SSBP4: variants seen among roughly 807,000 people sequenced by gnomAD.
SSBP4 encodes single stranded DNA binding protein 4, also known as single-stranded DNA-binding protein 4.
A neutral mutation model predicts 64.6 loss-of-function variants in SSBP4; 33 were observed. The ratio of observed to expected loss-of-function variants is 0.51; its 90% CI spans 0.39 to 0.68. SSBP4 has a LOEUF of 0.68. Ranked by LOEUF, SSBP4 falls within the 30% of genes least tolerant of loss-of-function variation. The pLI is 0.00. For synonymous variants in SSBP4, 243 were observed against 224.0 expected (o/e 1.08, Z -0.76); for missense variants, 583 against 566.8 (o/e 1.03, Z -0.29).
chr19:18,415,966 C>T (rs976418577), upstream of SSBP4, among the ~76,000 whole-genome samples: 2 of 152,086 alleles, frequency 1.3e-5, no homozygotes, highest in African/African-American at 2.4e-5. Flanking sequence ...GCAACCTCCC[C>T]GCCCCCTCTG....
upstream of SSBP4, among the ~76,000 whole-genome samples, chr19:18,414,643 A>T (rs1209480416): frequency 6.6e-6 from 1 of 152,224 alleles, no homozygotes; most frequent in East Asian, 1.9e-4. Flanking sequence ...GGTGAAAGCC[A>T]CACAAGGTGC....
the SSBP4 span, among the ~76,000 whole-genome samples, chr19:18,409,226 A>T: frequency 7.6e-5 from 11 of 143,866 alleles, no homozygotes; most frequent in East Asian, 2.2e-3. Flanking sequence ...TCGCTCTGTC[A>T]TCCAGGCTGG....
chr19:18,428,973 G>GC (rs879618909), intron 4 of SSBP4, among the ~76,000 whole-genome samples: 2 of 152,186 alleles, frequency 1.3e-5, no homozygotes, highest in African/African-American at 2.4e-5. Flanking sequence ...CTCTCTGGGC[G>GC]CCCCCCGCCG....
At chr19:18,416,297 G>T (rs951102211), upstream of SSBP4, among the ~76,000 whole-genome samples, 2 of 152,134 alleles carry the variant, frequency 1.3e-5, no homozygotes, top group African/African-American at 2.4e-5. Context: ...TTACAGGCAT[G>T]AGCCACCGCG....
chr19:18,419,375 G>C (rs1568341133), upstream of SSBP4: 22 of 1,027,612 alleles, frequency 2.1e-5, no homozygotes, highest in Non-Finnish European at 2.3e-5. Context: ...GGGGGCGCGC[G>C]CGGCGGGAGG....
intron 9 of SSBP4, 30 bp from the exon 10 acceptor site, chr19:18,432,117 C>G (rs1973441561): frequency 1.2e-6 from 2 of 1,609,744 alleles, no homozygotes; most frequent in East Asian, 2.2e-5. Flanking sequence ...TGTCCCCGGT[C>G]TACCCCTCAC....
chr19:18,420,670 C>T (rs578169740), intron 1 of SSBP4, among the ~76,000 whole-genome samples: 35 of 151,944 alleles, frequency 2.3e-4, no homozygotes, highest in Non-Finnish European at 4.1e-4. Flanking sequence ...CAATCCTGGC[C>T]AACATGGTGA....
At chr19:18,418,329 C>G (rs186889614), upstream of SSBP4, among the ~76,000 whole-genome samples, 2 of 152,228 alleles carry the variant, frequency 1.3e-5, no homozygotes. The surrounding 1 kb of genome is among the most constrained non-coding windows in gnomAD (Gnocchi z 6.7). Context: ...CTTCCCCTAC[C>G]CTGCCCATCC....
chr19:18,409,281 G>A, the SSBP4 span, among the ~76,000 whole-genome samples: 11 of 151,064 alleles, frequency 7.3e-5, no homozygotes, highest in East Asian at 1.8e-3. Flanking sequence ...CTACCTCCCA[G>A]GTTCAAGCGA....
upstream of SSBP4, among the ~76,000 whole-genome samples, chr19:18,417,942 T>C (rs1336398588): frequency 6.6e-6 from 1 of 152,084 alleles, no homozygotes; most frequent in Non-Finnish European, 1.5e-5. This position sits in a 1 kb window ranked among gnomAD's most constrained non-coding sequence, Gnocchi z 5.4. Context: ...CGGGGTCAGC[T>C]GGCAGCGAGA....
rs1311246875 is a variant in SSBP4, at chr19:18,431,846, C to T, written c.549C>T (p.Pro183=). Residue 183 remains proline, a synonymous_variant, in exon 8 of 18, where the codon CCC becomes CCT. Transcript: ENST00000270061. ...CCCTCCTCCCTGGCGCCATGGAGCCCTCCCCACGAGCCCAGGGTGAGTAGG... is the reference window on the plus strand; with the variant it reads ...CCCTCCTCCCTGGCGCCATGGAGCCTTCCCCACGAGCCCAGGGTGAGTAGG... The part of the protein sequence containing the change: ...SQPLLPGAME[P]SPRAQGHPSM... 1.9e-6 allele frequency: 3 copies of T among 1,572,542 alleles called. No individual in the cohort carries two copies. The highest frequency in any genetic ancestry group is 1.8e-5 in the Admixed American group (1 of 54,790).
rs764201607 is a variant in SSBP4 at position 18,432,716 on chromosome 19, C to T, written c.767C>T (p.Ser256Leu). 5.7e-6 allele frequency: 9 copies of T among 1,581,984 alleles called. No individual in the cohort carries two copies. Among genetic ancestry groups the T allele is most frequent in the East Asian group, 2.3e-5 (1 of 44,386 alleles). ...TGTCCCCAGATCCCCTACTCCTCCT[C>T]ATCCCCCGGCAGCTACACCGTAAGT... ...PSGNSIPYSS[S>L]SPGSYTGPPG... is the part of the protein sequence containing the mutation. The change falls in exon 12 of 18, where the codon TCA (serine) becomes TTA (leucine). Residue 256 changes from serine to leucine, a missense_variant. Ser to Leu is a moderately radical substitution (Grantham distance 145, BLOSUM62 -2). Around this residue, in one of 5 missense-constraint regions of SSBP4, gnomAD observed 444 missense variants for 386.6 expected, o/e 1.15. Transcript: ENST00000270061.
rs1972484459 is a variant in SSBP4 at position 18,421,815 on chromosome 19, A to G, written c.59+2108A>G. Among the ~76,000 whole-genome samples, 3 of 152,316 alleles carry G rather than the reference A, an allele frequency of 2.0e-5. No homozygotes were observed. In the East Asian group the frequency reaches 5.8e-4, roughly 29 times the overall value. ...AGGTGGAGTGGGGCTTATAGGGGTC[A>G]GGAACAGAGGCTGGGAGGCCCTGGG... is the stretch of plus-strand genomic sequence containing the variant. On this transcript the variant is annotated intron_variant, in intron 1 of 17. Transcript: ENST00000270061.
At chr19:18,411,812 C>T in the SSBP4 span, among the ~76,000 whole-genome samples, 1 of 152,168 alleles carries the variant, frequency 6.6e-6, no homozygotes, top group African/African-American at 2.4e-5. Context: ...TGTCCCTGTA[C>T]CATCCCGAGA....
chr19:18,425,529 A>C (rs1972791716), intron 1 of SSBP4, among the ~76,000 whole-genome samples: 1 of 152,130 alleles, frequency 6.6e-6, no homozygotes, highest in African/African-American at 2.4e-5. Context: ...GCCACTAGCC[A>C]CAGGGAAAAG....
chr19:18,433,437 C>G lies in SSBP4; in HGVS notation c.992-148C>G, dbSNP rs1973658068. 6.4e-6 allele frequency: 9 copies of G among 1,407,592 alleles called. No homozygotes were observed. The South Asian group carries it at 1.1e-4, about 17-fold the overall frequency. 87.2% of individuals were successfully genotyped at this position (1,407,592 alleles called of 1,614,324 possible). A position where few individuals can be genotyped will look rare whatever the true frequency, so the allele number is the denominator to read the frequency against. On this transcript the variant is annotated intron_variant, in intron 15 of 17. Transcript: ENST00000270061. ...CCTCCCCCCCAGGCCCAACCCTCCA[C>G]CTGGCCTCAGTCCCGGGGTTCCTGG...
Position 18,434,298 on chromosome 19 carries a change from C to T in SSBP4, c.*52C>T, listed in dbSNP as rs375439794. The T allele has an allele frequency of 1.2e-4, 185 of 1,605,332 alleles. 1 individual carries two copies. The African/African-American group carries it at 2.1e-3, about 18-fold the overall frequency. ...CGGGCCTAGGCTTCTGCCCAGCGCC[C>T]CTGCTCAGGGCGAGGGGCTGAGGTC... On this transcript the variant is annotated 3_prime_UTR_variant, in exon 18 of 18. Coordinates refer to ENST00000270061, the MANE Select transcript of SSBP4 (RefSeq NM_032627.5).
At chr19:18,429,470 C>CGGGGGGGG (rs72317419) in intron 4 of SSBP4, among the ~76,000 whole-genome samples, 9 of 116,414 alleles carry the variant, frequency 7.7e-5, no homozygotes, top group Non-Finnish European at 1.4e-4. Context: ...TCGCAGGGGG[C>CGGGGGGGG]GGGGGGGGGG....
chr19:18,429,470 C>T (rs112943299), intron 4 of SSBP4, among the ~76,000 whole-genome samples: 1 of 116,442 alleles, frequency 8.6e-6, no homozygotes, highest in Non-Finnish European at 2.0e-5. Flanking sequence ...TCGCAGGGGG[C>T]GGGGGGGGGG....
Sources: gnomAD v4.1 joint callset for allele counts (sites outside exome capture counted in the v4.1 genomes callset) on GRCh38, gnomAD v4.1.1 for gene constraint, gnomAD v4.1.1 regional missense constraint, Gnocchi (gnomAD v3.1) non-coding constraint, MANE v1.5 for transcripts, NCBI Gene and HGNC (gene_info 2026-07-23, HGNC 2026-07-21) for gene names.